The following PLCB4 variants were observed in gnomAD, a reference collection of about 807,000 sequenced individuals.
PLCB4 encodes the protein 1-phosphatidylinositol 4,5-bisphosphate phosphodiesterase beta-4.
Under a neutral mutation model 178.8 loss-of-function variants are expected in PLCB4, and 77 were observed. That is an observed-to-expected ratio of 0.43 (90% CI 0.36 to 0.52). The LOEUF (loss-of-function observed/expected upper bound fraction) is 0.52, where lower values mean the gene tolerates loss of function less well. PLCB4 is among the 20% of genes least tolerant of loss of function. The pLI is 0.00. For missense variants in PLCB4, 1,024 were observed against 1,453.4 expected, an observed-to-expected ratio of 0.70 and a Z score of 4.80; for synonymous variants, 496 against 490.8, an observed-to-expected ratio of 1.01 and a Z score of -0.14.
intron 3 of PLCB4, among the ~76,000 whole-genome samples, chr20:9,296,333 G>C (rs2094634506): frequency 6.6e-6 from 1 of 152,152 alleles, no homozygotes; most frequent in Admixed American, 6.6e-5. Flanking sequence ...CAGTTAGAAT[G>C]GCGACCATTA....
intron 3 of PLCB4, among the ~76,000 whole-genome samples, chr20:9,236,091 G>A (rs988053433): frequency 6.6e-6 from 1 of 152,160 alleles, no homozygotes; most frequent in Non-Finnish European, 1.5e-5. Context: ...GCTTTCCATG[G>A]TCACCATCCC....
At chr20:9,457,575 T>G in intron 34 of PLCB4, 86 bp downstream of exon 34, 1 of 767,670 alleles carries the variant, frequency 1.3e-6, no homozygotes, top group East Asian at 2.5e-5. Context: ...AAATTAGAAA[T>G]AACAGTAGCC....
At chr20:9,234,443 G>C (rs2093970564) in intron 3 of PLCB4, among the ~76,000 whole-genome samples, 1 of 152,086 alleles carries the variant, frequency 6.6e-6, no homozygotes, top group African/African-American at 2.4e-5. Flanking sequence ...CAAACATGTA[G>C]AGGTTAAGCA....
At chr20:9,130,967 C>T (rs2092257281) in intron 2 of PLCB4, among the ~76,000 whole-genome samples, 1 of 152,182 alleles carries the variant, frequency 6.6e-6, no homozygotes, top group Non-Finnish European at 1.5e-5. Flanking sequence ...CTCAGCCTCT[C>T]TAAGCCTCTT....
At chr20:9,192,611 G>A (rs563243199) in intron 2 of PLCB4, among the ~76,000 whole-genome samples, 10 of 144,880 alleles carry the variant, frequency 6.9e-5, no homozygotes, top group South Asian at 6.5e-4. Context: ...CTGTAGCCTC[G>A]TCCTCCCAGG....
chr20:9,463,412 A>C (rs757762979), intron 35 of PLCB4, among the ~76,000 whole-genome samples: 9 of 152,114 alleles, frequency 5.9e-5, no homozygotes, highest in African/African-American at 1.2e-4. Flanking sequence ...ATTCACATAT[A>C]ACAATATTAA....
In PLCB4 at chr20:9,117,910, C is replaced by T. The variant is rs74571143; in HGVS notation, c.-79+21568C>T. On this transcript the variant is annotated intron_variant, in intron 2 of 39. Transcript: ENST00000378473. ...ACCCTTTTTGGTCACATTCTTTTCT[C>T]TTACTTTATTTTCTTTACATATTTT... is the stretch of plus-strand genomic sequence containing the variant. 4.6e-3 allele frequency among the ~76,000 whole-genome samples: 700 copies of T among 152,180 alleles called. 6 individuals carry two copies. Among genetic ancestry groups the T allele is most frequent in the African/African-American group, 0.016 (658 of 41,526 alleles).
chr20:9,341,915 A>G (rs1430134917), intron 7 of PLCB4, among the ~76,000 whole-genome samples: 1 of 152,174 alleles, frequency 6.6e-6, no homozygotes, highest in East Asian at 1.9e-4. Flanking sequence ...TACTGAAGAA[A>G]CTAAGTGTTT....
chr20:9,327,262 A>C (rs2030762939), intron 4 of PLCB4, among the ~76,000 whole-genome samples: 1 of 150,186 alleles, frequency 6.7e-6, no homozygotes, highest in African/African-American at 2.5e-5. Context: ...AACATAGCGA[A>C]ACTCTGTCTC....
intron 30 of PLCB4, among the ~76,000 whole-genome samples, chr20:9,439,166 T>C (rs1015929309): frequency 1.1e-4 from 16 of 152,214 alleles, no homozygotes; most frequent in Non-Finnish European, 2.9e-5. Context: ...TCATGTTTCA[T>C]TGGGTTGGTT....
chr20:9,237,885 G>T (rs553225501), intron 3 of PLCB4, among the ~76,000 whole-genome samples: 1 of 152,198 alleles, frequency 6.6e-6, no homozygotes. Context: ...AACCAAGGGA[G>T]GAATTAATAT....
Position 9,468,599 on chromosome 20 carries a change from G to A in PLCB4, c.3277G>A (p.Ala1093Thr). ...RESKEMRAHQ[A>T]KISMENSKAI... Reference sequence around the variant, plus strand: ...AAGCAAGGAAATGCGAGCACACCAGGCTAAGATTTCTATGGAAAATAGCAA... The same window carrying A: ...AAGCAAGGAAATGCGAGCACACCAGACTAAGATTTCTATGGAAAATAGCAA... The change falls in exon 36 of 40, where the codon GCT (alanine) becomes ACT (threonine). Residue 1093 changes from alanine to threonine, a missense_variant. Ala to Thr is a moderately conservative substitution (Grantham distance 58). Transcript: ENST00000378473. The A allele has an allele frequency of 6.2e-7, 1 of 1,610,944 alleles. No homozygotes were observed. Among genetic ancestry groups the A allele is most frequent in the Non-Finnish European group, 8.5e-7 (1 of 1,177,368 alleles).
chr20:9,338,157 G>A lies in PLCB4; in HGVS notation c.225+90G>A, dbSNP rs2032722848. The A allele has an allele frequency of 1.5e-5, 12 of 825,880 alleles. No individual in the cohort carries two copies. In the Admixed American group the frequency reaches 2.1e-4, roughly 15 times the overall value. 51.2% of individuals were successfully genotyped at this position (825,880 alleles called of 1,614,324 possible). On this transcript the variant is annotated intron_variant, in intron 6 of 39. Coordinates refer to ENST00000378473, the MANE Select transcript of PLCB4 (RefSeq NM_001377142.1). ...TCTAGAGATAAAAAACTCACTCTTTGTATCCAGGCTACTTAAAACATTTGA... is the reference window on the plus strand; with the variant it reads ...TCTAGAGATAAAAAACTCACTCTTTATATCCAGGCTACTTAAAACATTTGA...
chr20:9,242,272 C>A (rs972515821), intron 3 of PLCB4, among the ~76,000 whole-genome samples: 10 of 152,180 alleles, frequency 6.6e-5, no homozygotes, highest in Admixed American at 2.6e-4. Context: ...GTATGGTAGA[C>A]TCCCCAGTGC....
intron 25 of PLCB4, among the ~76,000 whole-genome samples, chr20:9,415,665 G>A (rs373354395): frequency 2.6e-5 from 4 of 152,190 alleles, no homozygotes; most frequent in African/African-American, 9.7e-5. Flanking sequence ...TGTCTGGAAT[G>A]AGTTCATTTT....
chr20:9,467,283 TG>T, intron 35 of PLCB4, among the ~76,000 whole-genome samples: 1 of 151,434 alleles, frequency 6.6e-6, no homozygotes, highest in Non-Finnish European at 1.5e-5. Flanking sequence ...TTTTGGAGGG[TG>T]GGGGACTGGG....
At chr20:9,128,363 T>C (rs1222306433) in intron 2 of PLCB4, among the ~76,000 whole-genome samples, 1 of 152,156 alleles carries the variant, frequency 6.6e-6, no homozygotes, top group South Asian at 2.1e-4. Flanking sequence ...TTACCCAACT[T>C]CAGGCATTTC....
At chr20:9,131,397 G>A (rs754332558) in intron 2 of PLCB4, among the ~76,000 whole-genome samples, 2 of 152,044 alleles carry the variant, frequency 1.3e-5, no homozygotes, top group Non-Finnish European at 2.9e-5. Flanking sequence ...ATCTTACCTT[G>A]GGTCCTCAGT....
At chr20:9,107,098 G>A (rs1171990533) in intron 2 of PLCB4, among the ~76,000 whole-genome samples, 3 of 152,072 alleles carry the variant, frequency 2.0e-5, no homozygotes, top group African/African-American at 7.2e-5. Context: ...GGCCAATCTT[G>A]TCCCTGTCCC....
Sources: gnomAD v4.1 joint callset for allele counts (sites outside exome capture counted in the v4.1 genomes callset) on GRCh38, gnomAD v4.1.1 for gene constraint, MANE v1.5 for transcripts, NCBI Gene and HGNC (gene_info 2026-07-23, HGNC 2026-07-21) for gene names.